The following CFAP47 variants were observed in gnomAD, a reference collection of about 807,000 sequenced individuals.
The protein encoded by CFAP47 is cilia- and flagella-associated protein 47.
CFAP47 carries 29 observed loss-of-function variants against 148.1 expected under a neutral mutation model. The observed-to-expected ratio is 0.20, with a 90% CI of 0.15 to 0.27. CFAP47 has a LOEUF of 0.27. Among genes scored for constraint, CFAP47 ranks in the 10% least tolerant of loss-of-function variants. CFAP47 has a pLI of 1.00. For missense variants in CFAP47, 1,872 were observed against 1,697.5 expected, an observed-to-expected ratio of 1.10 and a Z score of -1.81; for synonymous variants, 664 against 577.3, an observed-to-expected ratio of 1.15 and a Z score of -2.15.
chrX:36,271,083 G>A (rs1185248438), intron 49 of CFAP47, among the ~76,000 whole-genome samples: 2 of 110,873 alleles, frequency 1.8e-5, no homozygotes, highest in Middle Eastern at 4.6e-3. Context: ...AATGAAGGGT[G>A]GAAAAAAGAA....
intron 56 of CFAP47, among the ~76,000 whole-genome samples, chrX:36,315,215 C>T (rs949328333): frequency 3.6e-5 from 4 of 111,695 alleles, no homozygotes; most frequent in Admixed American, 9.5e-5. Context: ...TAAAATAGTC[C>T]GATGCTAAAT....
intron 40 of CFAP47, among the ~76,000 whole-genome samples, chrX:36,184,601 A>C: frequency 8.9e-6 from 1 of 111,798 alleles, no homozygotes; most frequent in African/African-American, 3.2e-5. Context: ...CCTGATAGAG[A>C]TAATTTTCTG....
rs187088976 is a variant in CFAP47 at position 36,061,987 on chromosome X, G to A, written c.4218-3656G>A. ...CCATAACCTCTTCTTTTAACCCTTC[G>A]TAGCCACTGCCAGTGTTACCAACAT... On this transcript the variant is annotated intron_variant, in intron 26 of 63. Transcript: ENST00000378653. Among the ~76,000 whole-genome samples the A allele has an allele frequency of 1.5e-4, 17 of 111,236 alleles. 1 individual carries two copies. The East Asian group carries it at 1.7e-3, about 11-fold the overall frequency.
chrX:36,016,100 A>G (rs1278270384), intron 22 of CFAP47, among the ~76,000 whole-genome samples: 1 of 110,706 alleles, frequency 9.0e-6, no homozygotes, highest in Non-Finnish European at 1.9e-5. Flanking sequence ...CACATCATGG[A>G]ATATGGAGTA....
chrX:36,301,161 T>C lies in CFAP47; in HGVS notation c.7952T>C (p.Ile2651Thr). 2.6e-6 allele frequency: 3 copies of C among 1,136,966 alleles called. No homozygotes were observed. The highest frequency in any genetic ancestry group is 2.0e-5 in the South Asian group (1 of 50,856). The allele number at this position is 1,136,966 out of a possible 1,213,427, so 93.7% of individuals were successfully genotyped here. A position where few individuals can be genotyped will look rare whatever the true frequency, so the allele number is the denominator to read the frequency against. ...ELPKPTTMPEIQCDLGKHVTQ... is the reference protein window; with the variant it reads ...ELPKPTTMPETQCDLGKHVTQ... ...CCAAAACCAACCACAATGCCAGAAA[T>C]ACAGTGCGACCTTGGCAAGTAAGTT... is the stretch of plus-strand genomic sequence containing the variant. Residue 2651 changes from isoleucine (I) to threonine (T), a missense_variant, in exon 53 of 64, where the codon ATA (isoleucine) becomes ACA (threonine). Transcript: ENST00000378653.
chrX:36,219,464 C>T (rs782706921), intron 45 of CFAP47, among the ~76,000 whole-genome samples: 1 of 110,976 alleles, frequency 9.0e-6, no homozygotes, highest in Admixed American at 9.6e-5. Flanking sequence ...AGAGGGGGTC[C>T]GTTCACTTGC....
chrX:36,374,874 C>G (rs1942007224), intron 62 of CFAP47: 2 of 1,017,276 alleles, frequency 2.0e-6, no homozygotes, highest in Non-Finnish European at 2.7e-6. Context: ...CTGAGGTTGT[C>G]AGTATAATGA....
At chrX:36,292,810 G>A (rs1376346824) in intron 51 of CFAP47, among the ~76,000 whole-genome samples, 1 of 111,507 alleles carries the variant, frequency 9.0e-6, no homozygotes, top group Non-Finnish European at 1.9e-5. Flanking sequence ...GAGGCAGGCT[G>A]AATTAACTGG....
At chrX:35,926,999 G>GA (rs1469034354) in intron 2 of CFAP47, among the ~76,000 whole-genome samples, 145 of 106,307 alleles carry the variant, frequency 1.4e-3, no homozygotes, top group African/African-American at 4.8e-3. Flanking sequence ...ACAAAAAAAA[G>GA]AAAAAAAAAC....
At chrX:35,983,735 G>A (rs1936677218) in intron 15 of CFAP47, among the ~76,000 whole-genome samples, 1 of 111,375 alleles carries the variant, frequency 9.0e-6, no homozygotes, top group Non-Finnish European at 1.9e-5. Flanking sequence ...GTTTTATATT[G>A]TTAGTTATAT....
intron 39 of CFAP47, among the ~76,000 whole-genome samples, chrX:36,175,592 G>T (rs959198257): frequency 8.9e-6 from 1 of 112,067 alleles, no homozygotes; most frequent in Non-Finnish European, 1.9e-5. Flanking sequence ...CTGGGGTGGT[G>T]CCTCCCAGTT....
chrX:36,014,586 TA>T (rs1012348978), intron 21 of CFAP47, among the ~76,000 whole-genome samples, 187 bp from the exon 22 acceptor site: 3 of 111,490 alleles, frequency 2.7e-5, no homozygotes, highest in Non-Finnish European at 5.7e-5. Flanking sequence ...AATTTATTTT[TA>T]TTTTTTTGAA....
chrX:36,200,604 C>T (rs367823085), intron 43 of CFAP47, 111 bp downstream of exon 43: 25 of 281,937 alleles, frequency 8.9e-5, no homozygotes, highest in Non-Finnish European at 6.8e-5. Flanking sequence ...GTTTAGATTT[C>T]GAAAGGGCTT....
At chrX:36,360,379 C>T (rs1304371854) in intron 60 of CFAP47, among the ~76,000 whole-genome samples, 1 of 111,453 alleles carries the variant, frequency 9.0e-6, no homozygotes, top group Non-Finnish European at 1.9e-5. Flanking sequence ...TGACTGGGGA[C>T]ACATCTGGCG....
At chrX:36,209,283 G>A (rs1327791973) in intron 45 of CFAP47, among the ~76,000 whole-genome samples, 1 of 110,960 alleles carries the variant, frequency 9.0e-6, no homozygotes, top group African/African-American at 3.3e-5. Flanking sequence ...TTAGTTTTTG[G>A]CAAAAACTCT....
At chrX:36,235,097 C>A (rs1023376721) in intron 46 of CFAP47, among the ~76,000 whole-genome samples, 1 of 111,434 alleles carries the variant, frequency 9.0e-6, no homozygotes, top group Non-Finnish European at 1.9e-5. Context: ...GTAGTCTGCC[C>A]GTTCTCAGAT....
chrX:36,225,771 G>C (rs1729150646), intron 45 of CFAP47, among the ~76,000 whole-genome samples: 1 of 111,094 alleles, frequency 9.0e-6, no homozygotes, highest in Non-Finnish European at 1.9e-5. Context: ...TCAGAGTAAG[G>C]CCCTAGAAAG....
At position 36,065,791 on chromosome X, in the gene CFAP47, C is replaced by T. The variant is rs752727691; in HGVS notation, c.4318+48C>T. 4.7e-5 allele frequency: 32 copies of T among 685,256 alleles called. No individual in the cohort carries two copies. In the Middle Eastern group the frequency reaches 1.4e-3, roughly 29 times the overall value. The allele number at this position is 685,256 out of a possible 1,213,427, so 56.5% of individuals were successfully genotyped here. A position where few individuals can be genotyped will look rare whatever the true frequency, so the allele number is the denominator to read the frequency against. ...ATCCCTAACTCTCACTGTATAGGTT[C>T]TTGGCCAACATCTAGAAATAAAGTG... On this transcript the variant is annotated intron_variant, in intron 27 of 63. Coordinates refer to ENST00000378653, the MANE Select transcript of CFAP47 (RefSeq NM_001304548.2).
intron 56 of CFAP47, among the ~76,000 whole-genome samples, chrX:36,313,148 A>T (rs1279444250): frequency 1.8e-5 from 2 of 111,362 alleles, no homozygotes; most frequent in East Asian, 5.6e-4. Context: ...TATATGCAAA[A>T]TATACTCATT....
Sources: gnomAD v4.1 joint callset for allele counts (sites outside exome capture counted in the v4.1 genomes callset) on GRCh38, gnomAD v4.1.1 for gene constraint, MANE v1.5 for transcripts, NCBI Gene and HGNC (gene_info 2026-07-23, HGNC 2026-07-21) for gene names.